The following CA3 variants were observed in gnomAD, a reference collection of about 807,000 sequenced individuals.
CA3 encodes CA-III.
Under a neutral mutation model 35.7 loss-of-function variants are expected in CA3, and 30 were observed. The observed-to-expected ratio is 0.84, with a 90% CI of 0.63 to 1.14. CA3 has a LOEUF of 1.14. Among genes scored for constraint, CA3 ranks in the 50% most tolerant of loss-of-function variants. The pLI is 0.00. For missense variants in CA3, 295 were observed against 328.5 expected (o/e 0.90, Z 0.79); for synonymous variants, 131 against 130.8 (o/e 1.00, Z -0.01).
Position 85,444,071 on chromosome 8 carries a change from T to A in CA3, c.389T>A (p.Phe130Tyr). Reference protein sequence around the residue: ...LVHWNPKYNTFKEALKQRDGI... With the variant: ...LVHWNPKYNTYKEALKQRDGI... ...CACTGGAACCCGAAGTATAACACTT[T>A]TAAAGAAGCCCTGAAGCAGCGCGAT... is the stretch of plus-strand genomic sequence containing the variant. Residue 130 changes from phenylalanine (F) to tyrosine (Y), a missense_variant, in exon 4 of 7, where the codon TTT becomes TAT. By Grantham distance (22) the Phe-to-Tyr change is conservative. Transcript: ENST00000285381. 2 of 1,613,964 alleles carry A rather than the reference T, an allele frequency of 1.2e-6. No homozygotes were observed. Among genetic ancestry groups the A allele is most frequent in the South Asian group, 2.2e-5 (2 of 91,076 alleles).
chr8:85,446,089 G>C, intron 5 of CA3, 53 bp from the exon 6 acceptor site: 1 of 1,480,968 alleles, frequency 6.8e-7, no homozygotes, highest in Non-Finnish European at 9.1e-7. Context: ...CATTGGGGTG[G>C]GTGGGCATGT....
chr8:85,442,821 C>A (rs2130503203), intron 3 of CA3, among the ~76,000 whole-genome samples: 1 of 152,288 alleles, frequency 6.6e-6, no homozygotes, highest in South Asian at 2.1e-4. Context: ...TAAATGCTTA[C>A]ATGTATTAAC....
At chr8:85,446,749 C>G (rs912267668) in intron 6 of CA3, among the ~76,000 whole-genome samples, 1 of 152,162 alleles carries the variant, frequency 6.6e-6, no homozygotes, top group African/African-American at 2.4e-5. Flanking sequence ...CTCAAAAGTT[C>G]AGTAATTTGT....
intron 1 of CA3, 140 bp downstream of exon 1, chr8:85,439,083 T>G: frequency 1.2e-6 from 1 of 822,446 alleles, no homozygotes; most frequent in Non-Finnish European, 1.9e-6. Flanking sequence ...CTGAGGCTTT[T>G]CAACTGCCAA....
chr8:85,442,193 TA>T lies in CA3; in HGVS notation c.351+4del. ...GATGGAGTCAAGTATGCAGCGGAGGTAAGAGGAACTGCCATAATCCATTCTC... is the reference window on the plus strand; with the variant it reads ...GATGGAGTCAAGTATGCAGCGGAGGTAGAGGAACTGCCATAATCCATTCTC... On this transcript the variant is annotated splice_donor_region_variant and intron_variant, in intron 3 of 6. Coordinates refer to ENST00000285381, the MANE Select transcript of CA3 (RefSeq NM_005181.4). The T allele has an allele frequency of 7.0e-7, 1 of 1,433,470 alleles. No individual in the cohort carries two copies. The highest frequency in any genetic ancestry group is 9.9e-7 in the Non-Finnish European group (1 of 1,015,142). 88.8% of individuals were successfully genotyped at this position (1,433,470 alleles called of 1,614,324 possible). A position where few individuals can be genotyped will look rare whatever the true frequency, so the allele number is the denominator to read the frequency against.
intron 2 of CA3, among the ~76,000 whole-genome samples, chr8:85,441,699 G>GT (rs1238206428): frequency 1.3e-5 from 2 of 152,210 alleles, no homozygotes; most frequent in Non-Finnish European, 2.9e-5. Context: ...GCCAGCATTG[G>GT]AAACCTACCT....
At chr8:85,439,435 G>A (rs1811176338) in intron 1 of CA3, among the ~76,000 whole-genome samples, 1 of 152,134 alleles carries the variant, frequency 6.6e-6, no homozygotes, top group South Asian at 2.1e-4. Context: ...GATGGAAGGT[G>A]TCATTGGTTA....
intron 2 of CA3, 32 bp downstream of exon 2, chr8:85,439,941 A>G: frequency 6.5e-7 from 1 of 1,549,470 alleles, no homozygotes; most frequent in Non-Finnish European, 8.8e-7. Flanking sequence ...AATCACATGG[A>G]TGTTTTCAAG....
intron 3 of CA3, among the ~76,000 whole-genome samples, chr8:85,442,704 C>A (rs1217046970): frequency 6.6e-6 from 1 of 152,022 alleles, no homozygotes; most frequent in African/African-American, 2.4e-5. Flanking sequence ...CAGAGTAAGA[C>A]CCTGTCTCGA....
intron 5 of CA3, 100 bp from the exon 6 acceptor site, chr8:85,446,042 C>T: frequency 9.3e-7 from 1 of 1,076,396 alleles, no homozygotes; most frequent in South Asian, 1.8e-5. Context: ...TTCTCTATTG[C>T]ATTTGAAATT....
In CA3 at chr8:85,445,159, G is replaced by C; in HGVS notation, c.448G>C (p.Gly150Arg). 5.0e-6 allele frequency: 8 copies of C among 1,600,430 alleles called. No homozygotes were observed. The highest frequency in any genetic ancestry group is 6.8e-6 in the Non-Finnish European group (8 of 1,169,714). The part of the protein sequence containing the change: ...IAVIGIFLKI[G>R]HENGEFQIFL... ...TTGGATTTCTGTTTTCTTACAGATA[G>C]GACATGAGAATGGCGAGTTCCAGAT... Residue 150 changes from glycine (G) to arginine (R), a missense_variant, in exon 5 of 7, where the codon GGA (glycine) becomes CGA (arginine). Physicochemically the swap from Gly to Arg is moderately radical, Grantham distance 125. Transcript: ENST00000285381.
In CA3 at chr8:85,439,882, G is replaced by A; in HGVS notation, c.205G>A (p.Val69Ile). 1 of 1,613,284 alleles carries A rather than the reference G, an allele frequency of 6.2e-7. No individual in the cohort carries two copies. The highest frequency in any genetic ancestry group is 8.5e-7 in the Non-Finnish European group (1 of 1,179,880). ...GAATAATGGGAAGACCTGCCGAGTT[G>A]TATTTGATGATACTTATGATAGGTC... Reference protein sequence around the residue: ...ILNNGKTCRVVFDDTYDRSML... With the variant: ...ILNNGKTCRVIFDDTYDRSML... The change falls in exon 2 of 7, where the codon GTA (valine) becomes ATA (isoleucine). Residue 69 changes from valine (V) to isoleucine (I), a missense_variant. Val to Ile is a conservative substitution (Grantham distance 29, BLOSUM62 3). Transcript: ENST00000285381.
intron 4 of CA3, among the ~76,000 whole-genome samples, chr8:85,444,795 G>A (rs918291881): frequency 8.1e-4 from 124 of 152,204 alleles, no homozygotes; most frequent in African/African-American, 2.8e-3. Context: ...ACAGCAGGAG[G>A]TGGAGTAGGT....
intron 1 of CA3, among the ~76,000 whole-genome samples, chr8:85,439,185 T>G (rs759115847): frequency 6.6e-6 from 1 of 152,180 alleles, no homozygotes; most frequent in Non-Finnish European, 1.5e-5. Flanking sequence ...TGCAGAGAAG[T>G]TGGATCACTT....
intron 3 of CA3, among the ~76,000 whole-genome samples, chr8:85,443,458 GTTAAA>G (rs1274839287): frequency 2.0e-5 from 3 of 152,290 alleles, no homozygotes; most frequent in Non-Finnish European, 2.9e-5. Flanking sequence ...TTAGTTCTTG[GTTAAA>G]TTAAATTCTG....
At position 85,447,941 on chromosome 8, in the gene CA3, A is replaced by G; in HGVS notation, c.664-93A>G. 15 of 1,239,934 alleles carry G rather than the reference A, an allele frequency of 1.2e-5. 1 individual carries two copies. The South Asian group carries it at 2.4e-4, about 20-fold the overall frequency. The allele number at this position is 1,239,934 out of a possible 1,614,324, so 76.8% of individuals were successfully genotyped here. A position where few individuals can be genotyped will look rare whatever the true frequency, so the allele number is the denominator to read the frequency against. ...CAAACAAACAAAAAAACCAACAACA[A>G]AAAAAACCCCAGCAGTATTTATACC... On this transcript the variant is annotated intron_variant, in intron 6 of 6. Transcript: ENST00000285381.
At position 85,444,088 on chromosome 8, in the gene CA3, C is replaced by T; in HGVS notation, c.406C>T (p.Gln136Ter). Reference sequence around the variant, plus strand: ...TAACACTTTTAAAGAAGCCCTGAAGCAGCGCGATGGGATCGCTGTGATTGG... The same window carrying T: ...TAACACTTTTAAAGAAGCCCTGAAGTAGCGCGATGGGATCGCTGTGATTGG... ...KYNTFKEALK[Q>*]RDGIAVIGIF... Residue 136 changes from glutamine (Q) to a stop codon, truncating the protein, a stop_gained, in exon 4 of 7, where the codon CAG (glutamine) becomes TAG (stop). Coordinates refer to ENST00000285381, the MANE Select transcript of CA3 (RefSeq NM_005181.4). LOFTEE classifies it high-confidence loss of function. 1 of 1,613,640 alleles carries T rather than the reference C, an allele frequency of 6.2e-7. No homozygotes were observed. The highest frequency in any genetic ancestry group is 8.5e-7 in the Non-Finnish European group (1 of 1,179,558).
Position 85,446,270 on chromosome 8 carries a change from G to A in CA3, c.636G>A (p.Lys212=), listed in dbSNP as rs758689118. 3.7e-6 allele frequency: 6 copies of A among 1,613,916 alleles called. No homozygotes were observed. The highest frequency in any genetic ancestry group is 5.1e-6 in the Non-Finnish European group (6 of 1,179,898). Residue 212 remains lysine (K), a synonymous_variant, in exon 6 of 7, where the codon AAG becomes AAA. Transcript: ENST00000285381. ...AATGCATTGTGTGGCTGCTGCTGAA[G>A]GAGCCCATGACCGTGAGCTCTGACC... ...CEECIVWLLL[K]EPMTVSSDQM... is the part of the protein sequence containing the mutation.
At chr8:85,443,179 C>T (rs1415107995) in intron 3 of CA3, among the ~76,000 whole-genome samples, 1 of 152,120 alleles carries the variant, frequency 6.6e-6, no homozygotes, top group African/African-American at 2.4e-5. Context: ...TGAGCACATA[C>T]TACTCTCTGT....
Sources: gnomAD v4.1 joint callset for allele counts (sites outside exome capture counted in the v4.1 genomes callset) on GRCh38, gnomAD v4.1.1 for gene constraint, MANE v1.5 for transcripts, NCBI Gene and HGNC (gene_info 2026-07-23, HGNC 2026-07-21) for gene names.